RRP1B: variants seen among roughly 807,000 people sequenced by gnomAD.
RRP1B encodes ribosomal RNA processing 1B.
Under a neutral mutation model 80.2 loss-of-function variants are expected in RRP1B, and 56 were observed. That is an observed-to-expected ratio of 0.70 (90% CI 0.56 to 0.87). The LOEUF is 0.87. Among genes scored for constraint, RRP1B ranks in the 40% least tolerant of loss-of-function variants. The probability of loss-of-function intolerance (pLI) is 0.00; values close to 1 mark genes in which losing one functional copy is unlikely to be tolerated. For missense variants in RRP1B, 807 were observed against 939.8 expected (o/e 0.86, Z 1.85); for synonymous variants, 351 against 357.6 (o/e 0.98, Z 0.21).
In RRP1B at chr21:43,693,340, C is replaced by G; in HGVS notation, c.2234C>G (p.Thr745Ser). The G allele has an allele frequency of 6.2e-7, 1 of 1,607,792 alleles. No homozygotes were observed. The highest frequency in any genetic ancestry group is 1.3e-5 in the African/African-American group (1 of 74,930). The change falls in exon 16 of 16, where the codon ACC becomes AGC. Residue 745 changes from threonine (T) to serine (S), a missense_variant. Physicochemically the swap from Thr to Ser is moderately conservative, Grantham distance 58. Transcript: ENST00000340648. The surrounding 1 kb of genome is among the most constrained non-coding windows in gnomAD (Gnocchi z 4.1). The stretch of plus-strand genomic sequence containing the variant: ...CCCCTGGTGGCCAAGAAGCCCCTGA[C>G]CACCACACCAAGGAGAAGGCCCAGG... ...SSPLVAKKPL[T>S]TTPRRRPRAM... is the part of the protein sequence containing the mutation.
At chr21:43,670,093 T>C in intron 2 of RRP1B, 127 bp downstream of exon 2, 1 of 534,460 alleles carries the variant, frequency 1.9e-6, no homozygotes, top group Non-Finnish European at 3.3e-6. Context: ...CAAGGAGTCA[T>C]TTTCGTACCT....
At chr21:43,686,715 C>T (rs2083064492) in intron 11 of RRP1B, 89 bp from the exon 12 acceptor site, 2 of 1,464,062 alleles carry the variant, frequency 1.4e-6, no homozygotes, top group South Asian at 2.4e-5. Flanking sequence ...GATGATGAGG[C>T]AGAAATTGGG....
At chr21:43,678,721 T>A (rs2083031651) in intron 8 of RRP1B, among the ~76,000 whole-genome samples, 1 of 152,176 alleles carries the variant, frequency 6.6e-6, no homozygotes, top group Non-Finnish European at 1.5e-5. Context: ...CCCATTTTGT[T>A]TGTTTATTCT....
chr21:43,676,383 A>C (rs1360269815), intron 7 of RRP1B, 47 bp downstream of exon 7: 16 of 1,449,690 alleles, frequency 1.1e-5, no homozygotes, highest in Non-Finnish European at 1.4e-5. Flanking sequence ...GCATTTGCTC[A>C]TGGGAGTTAC....
chr21:43,678,304 C>T (rs2083030039), intron 8 of RRP1B, among the ~76,000 whole-genome samples: 1 of 152,148 alleles, frequency 6.6e-6, no homozygotes, highest in African/African-American at 2.4e-5. Context: ...GGATTACAGA[C>T]ACCTGCCACC....
At chr21:43,663,637 A>G (rs1004047700) in intron 1 of RRP1B, among the ~76,000 whole-genome samples, 1 of 152,068 alleles carries the variant, frequency 6.6e-6, no homozygotes, top group Admixed American at 6.5e-5. Context: ...GGCTCACTGC[A>G]ACCTCCACCT....
rs576751212 is a variant in RRP1B, at chr21:43,692,908, A to C, written c.2084-282A>C. Among the ~76,000 whole-genome samples the C allele has an allele frequency of 3.3e-5, 5 of 151,962 alleles. No homozygotes were observed. The South Asian group carries it at 8.3e-4, about 25-fold the overall frequency. ...CATTGTCCAAAACACCCCCACCCCC[A>C]ATGTTCACCCTTCCAGGAGCCACCC... On this transcript the variant is annotated intron_variant, in intron 15 of 15. Coordinates refer to ENST00000340648, the MANE Select transcript of RRP1B (RefSeq NM_015056.3).
chr21:43,669,081 C>T (rs952467949), intron 1 of RRP1B, among the ~76,000 whole-genome samples: 1 of 152,052 alleles, frequency 6.6e-6, no homozygotes, highest in African/African-American at 2.4e-5. Flanking sequence ...AGTAAATGAT[C>T]ACCGTTACAG....
Position 43,687,877 on chromosome 21 carries a change from C to T in RRP1B, c.1503C>T (p.Gly501=). The change falls in exon 13 of 16, where the codon GGC becomes GGT. Residue 501 remains glycine (G), a synonymous_variant. Coordinates refer to ENST00000340648, the MANE Select transcript of RRP1B (RefSeq NM_015056.3). ...CCCCAGAGGACATGTCTCAGAGTGG[C>T]CCGAGTGGCAGTCATCCTCAGGGAC... is the stretch of plus-strand genomic sequence containing the variant. ...VLPPEDMSQS[G]PSGSHPQGPR... is the part of the protein sequence containing the mutation. The T allele has an allele frequency of 6.2e-7, 1 of 1,613,332 alleles. No individual in the cohort carries two copies. Among genetic ancestry groups the T allele is most frequent in the Non-Finnish European group, 8.5e-7 (1 of 1,180,036 alleles).
rs756204679 is a variant in RRP1B, at chr21:43,672,270, G to A, written c.214-38G>A. 156 of 1,604,252 alleles carry A rather than the reference G, an allele frequency of 9.7e-5. 1 individual carries two copies. Among genetic ancestry groups the A allele is most frequent in the Admixed American group, 2.7e-4 (16 of 59,862 alleles). On this transcript the variant is annotated intron_variant, in intron 2 of 15. Transcript: ENST00000340648. ...GCACAGGCATCTCATGTTGCCCCACGATAACCCCCATGTTTCTCCCCAACC... is the reference window on the plus strand; with the variant it reads ...GCACAGGCATCTCATGTTGCCCCACAATAACCCCCATGTTTCTCCCCAACC...
rs765281583 is a variant in RRP1B, at chr21:43,687,624, G to A, written c.1250G>A (p.Gly417Glu). The change falls in exon 13 of 16, where the codon GGG (glycine) becomes GAG (glutamate). Residue 417 changes from glycine (G) to glutamate (E), a missense_variant. Transcript: ENST00000340648. The stretch of plus-strand genomic sequence containing the variant: ...CTGCAGCCTGAAAATCCAGGCCCAG[G>A]GGGTGCAGCCCCATCCCTGGAACAG... ...HHLQPENPGP[G>E]GAAPSLEQNR... 1 of 1,536,994 alleles carries A rather than the reference G, an allele frequency of 6.5e-7. No individual in the cohort carries two copies. The highest frequency in any genetic ancestry group is 8.7e-7 in the Non-Finnish European group (1 of 1,145,926).
chr21:43,674,776 A>G (rs2083014856), intron 5 of RRP1B, 79 bp downstream of exon 5: 2 of 1,297,724 alleles, frequency 1.5e-6, no homozygotes, highest in East Asian at 4.6e-5. Context: ...CTGAACTTGT[A>G]GAGTACCAAT....
chr21:43,668,208 CAAAAAAAAA>C, intron 1 of RRP1B, among the ~76,000 whole-genome samples: 1 of 118,506 alleles, frequency 8.4e-6, no homozygotes, highest in South Asian at 2.7e-4. Flanking sequence ...GACTCTATCT[CAAAAAAAAA>C]AAAAAGAATC....
In RRP1B at chr21:43,685,774, C is replaced by T; in HGVS notation, c.994C>T (p.Gln332Ter). 1 of 1,559,454 alleles carries T rather than the reference C, an allele frequency of 6.4e-7. No individual in the cohort carries two copies. Among genetic ancestry groups the T allele is most frequent in the South Asian group, 1.3e-5 (1 of 79,242 alleles). The change falls in exon 11 of 16, where the codon CAA becomes TAA. Residue 332 changes from glutamine to a stop codon, truncating the protein, a stop_gained. Coordinates refer to ENST00000340648, the MANE Select transcript of RRP1B (RefSeq NM_015056.3). LOFTEE classifies it high-confidence loss of function. ...KRLSKLIKKFQDLSEGSSISQ... is the reference protein window; with the variant it reads ...KRLSKLIKKF ...TTTTTATTTTTTTATTTTTAGATTC[C>T]AAGACCTTTCTGAAGGTGAGGCGCG...
chr21:43,662,716 G>A (rs748842687), intron 1 of RRP1B, among the ~76,000 whole-genome samples: 6 of 152,176 alleles, frequency 3.9e-5, no homozygotes, highest in Non-Finnish European at 8.8e-5. Flanking sequence ...ACTCTCCATG[G>A]CTTTCATCCA....
Position 43,667,454 on chromosome 21 carries a change from G to A in RRP1B, c.131-2430G>A, listed in dbSNP as rs1190649247. 5.3e-5 allele frequency among the ~76,000 whole-genome samples: 8 copies of A among 152,120 alleles called. No homozygotes were observed. In the East Asian group the frequency reaches 5.8e-4, roughly 11 times the overall value. On this transcript the variant is annotated intron_variant, in intron 1 of 15. Transcript: ENST00000340648. ...GTTTAAGACAGGGTCTTGCTCTGTC[G>A]CCCAAGCTCCATGGAGTACAATGTT...
intron 12 of RRP1B, among the ~76,000 whole-genome samples, chr21:43,687,291 T>C (rs1184524841): frequency 6.6e-6 from 1 of 152,108 alleles, no homozygotes; most frequent in Non-Finnish European, 1.5e-5. Flanking sequence ...CCATATGTGT[T>C]TATAAACGGA....
At chr21:43,690,849 A>G (rs960205350) in intron 14 of RRP1B, among the ~76,000 whole-genome samples, 13 of 152,198 alleles carry the variant, frequency 8.5e-5, no homozygotes, top group Non-Finnish European at 1.8e-4. Flanking sequence ...CAGGAATGTA[A>G]GTAGGAAAGA....
At chr21:43,685,336 C>A (rs1297838158) in intron 10 of RRP1B, among the ~76,000 whole-genome samples, 1 of 152,234 alleles carries the variant, frequency 6.6e-6, no homozygotes, top group East Asian at 1.9e-4. Flanking sequence ...CCTCCCCACA[C>A]TGCGCTTCGA....
Sources: gnomAD v4.1 joint callset for allele counts (sites outside exome capture counted in the v4.1 genomes callset) on GRCh38, gnomAD v4.1.1 for gene constraint, Gnocchi (gnomAD v3.1) non-coding constraint, MANE v1.5 for transcripts, NCBI Gene and HGNC (gene_info 2026-07-23, HGNC 2026-07-21) for gene names.